FBXL13: variants seen among roughly 807,000 people sequenced by gnomAD.
FBXL13 encodes F-box and leucine rich repeat protein 13.
Under a neutral mutation model 83.6 loss-of-function variants are expected in FBXL13, and 67 were observed. That is an observed-to-expected ratio of 0.80 (90% CI 0.66 to 0.98). The LOEUF is 0.98. Among genes scored for constraint, FBXL13 ranks in the 50% least tolerant of loss-of-function variants. The probability of loss-of-function intolerance (pLI) is 0.00; values close to 1 mark genes in which losing one functional copy is unlikely to be tolerated. For missense variants in FBXL13, 822 were observed against 866.5 expected, an observed-to-expected ratio of 0.95 and a Z score of 0.64; for synonymous variants, 272 against 299.5, an observed-to-expected ratio of 0.91 and a Z score of 0.95.
rs368970318 is a variant in FBXL13 at position 102,845,067 on chromosome 7, A to AAAC, written c.1719+9707_1719+9709dup. On this transcript the variant is annotated intron_variant, in intron 17 of 19. Transcript: ENST00000313221. Reference sequence around the variant, plus strand: ...GTGTTCGCCAACCTGGAAGTACTCTAAACCCTGTAGTTCAGGGATTTTTAT... The same window carrying AAAC: ...GTGTTCGCCAACCTGGAAGTACTCTAAACAACCCTGTAGTTCAGGGATTTTTAT... 6.0e-3 allele frequency among the ~76,000 whole-genome samples: 910 copies of AAAC among 152,284 alleles called. 9 individuals carry two copies. Among genetic ancestry groups the AAAC allele is most frequent in the African/African-American group, 0.021 (875 of 41,552 alleles).
intron 2 of FBXL13, among the ~76,000 whole-genome samples, chr7:103,029,769 T>C (rs923292324): frequency 1.7e-5 from 2 of 118,466 alleles, no homozygotes; most frequent in African/African-American, 6.2e-5. Flanking sequence ...ATTTTCTGAA[T>C]CATTCTGAAT....
At chr7:102,915,874 A>G (rs756418403) in intron 10 of FBXL13, among the ~76,000 whole-genome samples, 20 of 152,248 alleles carry the variant, frequency 1.3e-4, no homozygotes, top group Non-Finnish European at 2.4e-4. Flanking sequence ...AAATGTGATA[A>G]GAATATATTT....
At chr7:103,055,598 C>T in intron 2 of FBXL13, 46 bp downstream of exon 2, 1 of 915,622 alleles carries the variant, frequency 1.1e-6, no homozygotes, top group South Asian at 1.5e-5. Flanking sequence ...AAAAGTTTTC[C>T]TTCAAAATAA....
intron 6 of FBXL13, among the ~76,000 whole-genome samples, chr7:103,023,381 G>A (rs1793453713): frequency 1.3e-5 from 2 of 152,146 alleles, no homozygotes; most frequent in African/African-American, 4.8e-5. Context: ...CAACCAATGA[G>A]CATATGAAAA....
At chr7:102,878,413 G>A (rs2129458180) in exon 15 of FBXL13, 1 of 1,607,398 alleles carries the variant, frequency 6.2e-7, no homozygotes, top group Non-Finnish European at 8.5e-7. Context: ...ATGCTTGCAG[G>A]ACCATCAAGA....
At chr7:103,011,341 A>T (rs925347107) in intron 6 of FBXL13, among the ~76,000 whole-genome samples, 3 of 152,200 alleles carry the variant, frequency 2.0e-5, no homozygotes, top group East Asian at 3.9e-4. Flanking sequence ...TGGCCATTAT[A>T]AGAAAGAAAC....
intron 8 of FBXL13, among the ~76,000 whole-genome samples, chr7:102,956,319 G>A (rs776633290): frequency 1.3e-5 from 2 of 151,986 alleles, no homozygotes; most frequent in Non-Finnish European, 2.9e-5. Context: ...AAAGGCCTTC[G>A]ACAAAATTCA....
chr7:102,963,705 T>A, intron 7 of FBXL13, 40 bp from the exon 9 acceptor site: 1 of 1,344,942 alleles, frequency 7.4e-7, no homozygotes, highest in Non-Finnish European at 1.0e-6. Context: ...AATGAGAAAG[T>A]CCCCAAAAAC....
At chr7:102,877,406 T>C (rs963756287) in intron 16 of FBXL13, 61 bp downstream of exon 17, 5 of 1,322,170 alleles carry the variant, frequency 3.8e-6, no homozygotes, top group Admixed American at 5.5e-5. Context: ...ATTTACAAAA[T>C]AGCAAATAAT....
chr7:103,017,629 A>G (rs533702017), intron 6 of FBXL13, among the ~76,000 whole-genome samples: 2 of 152,366 alleles, frequency 1.3e-5, no homozygotes, highest in South Asian at 4.1e-4. Context: ...AAGTCCTTAA[A>G]TGATCTGATG....
intron 6 of FBXL13, among the ~76,000 whole-genome samples, chr7:103,018,848 G>A (rs2129487405): frequency 6.6e-6 from 1 of 152,260 alleles, no homozygotes; most frequent in South Asian, 2.1e-4. Flanking sequence ...GACCTACAAA[G>A]AGACTTAGAC....
intron 11 of FBXL13, among the ~76,000 whole-genome samples, chr7:102,890,344 GA>G (rs2129460216): frequency 1.3e-5 from 2 of 152,332 alleles, no homozygotes; most frequent in Non-Finnish European, 2.9e-5. Context: ...GTTGTAAAGT[GA>G]TTTTGGCTTC....
exon 16 of FBXL13, chr7:102,877,518 G>T: frequency 6.2e-7 from 1 of 1,611,144 alleles, no homozygotes; most frequent in Middle Eastern, 1.7e-4. Flanking sequence ...AGGAAAAGAT[G>T]TTTACAATAT....
chr7:103,064,830 G>C (rs1466594133), intron 1 of FBXL13, among the ~76,000 whole-genome samples: 2 of 152,180 alleles, frequency 1.3e-5, no homozygotes, highest in Non-Finnish European at 2.9e-5. Context: ...CTACCATACT[G>C]TGAGGAAGTC....
intron 17 of FBXL13, among the ~76,000 whole-genome samples, chr7:102,834,087 A>AGGAAGG (rs60618094): frequency 5.0e-5 from 3 of 59,696 alleles, no homozygotes; most frequent in African/African-American, 1.7e-4. Context: ...GAAGGAAAGA[A>AGGAAGG]AAGAAAGAAA....
chr7:102,877,983 C>T (rs1584747281), intron 15 of FBXL13, among the ~76,000 whole-genome samples: 1 of 150,492 alleles, frequency 6.6e-6, no homozygotes, highest in East Asian at 2.0e-4. Flanking sequence ...AAGAATAAAC[C>T]AGCCAGAACA....
chr7:102,971,800 C>A (rs1219866498), intron 6 of FBXL13, among the ~76,000 whole-genome samples: 1 of 151,852 alleles, frequency 6.6e-6, no homozygotes, highest in South Asian at 2.1e-4. Flanking sequence ...CCAAGGTGGG[C>A]GGATCACCTG....
intron 16 of FBXL13, among the ~76,000 whole-genome samples, chr7:102,868,194 T>C (rs1165899587): frequency 6.6e-6 from 1 of 152,186 alleles, no homozygotes; most frequent in African/African-American, 2.4e-5. Flanking sequence ...CTTTGAAATA[T>C]ACAATAATAC....
intron 12 of FBXL13, 105 bp from the exon 14 acceptor site, chr7:102,883,790 T>A (rs1810430940): frequency 6.0e-6 from 4 of 666,606 alleles, no homozygotes; most frequent in Non-Finnish European, 1.0e-5. Flanking sequence ...ACATGTTAAC[T>A]GTTAATTTTC....
Sources: allele counts gnomAD v4.1 joint callset (sites outside exome capture counted in the v4.1 genomes callset), GRCh38; gene constraint gnomAD v4.1.1; transcripts MANE v1.5; gene names NCBI Gene and HGNC (gene_info 2026-07-23, HGNC 2026-07-21).